NRXN1: variants seen among roughly 807,000 people sequenced by gnomAD.
NRXN1 encodes neurexin 1.
NRXN1 carries 39 observed loss-of-function variants against 150.9 expected under a neutral mutation model. That is an observed-to-expected ratio of 0.26 (90% confidence interval 0.20 to 0.34). The LOEUF (loss-of-function observed/expected upper bound fraction) is 0.34, where lower values mean the gene tolerates loss of function less well. Ranked by LOEUF, NRXN1 falls within the 10% of genes least tolerant of loss-of-function variation. The pLI is 1.00. For synonymous variants in NRXN1, 924 were observed against 757.0 expected (o/e 1.22, Z -3.62); for missense variants, 1,815 against 1,949.9 (o/e 0.93, Z 1.30).
rs570446542 is a variant in NRXN1, at chr2:50,507,195, C to T, written c.2375-578G>A. On this transcript the variant is annotated intron_variant, in intron 12 of 22. Transcript: ENST00000401669. ...TACCTGGTACCTCCAGTGCTCAACA[C>T]GTTCTTAGGTTCTTTAGCCTCCTAA... Among the ~76,000 whole-genome samples the T allele has an allele frequency of 4.6e-5, 7 of 152,222 alleles. No individual in the cohort carries two copies. In the South Asian group the frequency reaches 1.0e-3, roughly 23 times the overall value.
chr2:51,005,193 T>C (rs1700558473), intron 2 of NRXN1, among the ~76,000 whole-genome samples: 2 of 151,956 alleles, frequency 1.3e-5, no homozygotes, highest in Admixed American at 6.6e-5. Flanking sequence ...ATCTTCTTTA[T>C]TCCAAGTTGA....
chr2:50,828,032 G>A (rs1368049144), intron 5 of NRXN1, among the ~76,000 whole-genome samples: 1 of 149,742 alleles, frequency 6.7e-6, no homozygotes, highest in Non-Finnish European at 1.5e-5. Flanking sequence ...GCAACCATCC[G>A]ATTTCTCAAT....
chr2:50,778,205 G>C (rs534652320), intron 5 of NRXN1, among the ~76,000 whole-genome samples: 2 of 152,190 alleles, frequency 1.3e-5, no homozygotes, highest in South Asian at 4.2e-4. Context: ...TAAAAACAAT[G>C]AGTCATTACA....
intron 5 of NRXN1, among the ~76,000 whole-genome samples, chr2:50,819,544 G>C (rs1669415469): frequency 6.6e-6 from 1 of 152,014 alleles, no homozygotes; most frequent in African/African-American, 2.4e-5. Context: ...AAGATAGGGA[G>C]TTGCTGTTCA....
chr2:50,526,913 C>G (rs1380478135), intron 12 of NRXN1: 2 of 152,108 alleles, frequency 1.3e-5, no homozygotes, highest in African/African-American at 4.8e-5. Context: ...TAAGACTGTC[C>G]TCAATACCAG....
chr2:50,348,237 C>T (rs2078187569), intron 17 of NRXN1, among the ~76,000 whole-genome samples: 1 of 152,128 alleles, frequency 6.6e-6, no homozygotes, highest in South Asian at 2.1e-4. Flanking sequence ...TTCTTCTTCC[C>T]ATTACCATAT....
At chr2:49,963,697 T>G (rs1676411546) in intron 21 of NRXN1, among the ~76,000 whole-genome samples, 1 of 152,272 alleles carries the variant, frequency 6.6e-6, no homozygotes, top group African/African-American at 2.4e-5. Context: ...CCCCCATCCT[T>G]TAACATCTTT....
At chr2:50,477,154 G>T (rs1305714353) in intron 15 of NRXN1, among the ~76,000 whole-genome samples, 2 of 152,090 alleles carry the variant, frequency 1.3e-5, no homozygotes, top group Non-Finnish European at 2.9e-5. Flanking sequence ...GGCTTGACTG[G>T]AAGAGAGGAG....
intron 2 of NRXN1, among the ~76,000 whole-genome samples, chr2:50,926,854 A>G (rs577079376): frequency 1.3e-5 from 2 of 152,022 alleles, no homozygotes; most frequent in East Asian, 3.9e-4. Flanking sequence ...AAACATATAT[A>G]TCCAAGCAGA....
intron 12 of NRXN1, among the ~76,000 whole-genome samples, chr2:50,522,988 G>T (rs1457491241): frequency 2.0e-5 from 3 of 151,892 alleles, no homozygotes; most frequent in Non-Finnish European, 4.4e-5. Flanking sequence ...ACCCGCCTCA[G>T]CCTCCCAAAC....
At chr2:50,718,235 T>C (rs1043702662) in intron 5 of NRXN1, among the ~76,000 whole-genome samples, 3 of 152,092 alleles carry the variant, frequency 2.0e-5, no homozygotes, top group African/African-American at 7.2e-5. Context: ...TACAAACACA[T>C]ATAAACATGG....
intron 13 of NRXN1, among the ~76,000 whole-genome samples, chr2:50,499,315 C>G (rs2091819010): frequency 6.6e-6 from 1 of 152,160 alleles, no homozygotes; most frequent in African/African-American, 2.4e-5. Context: ...GTTCTCTTTT[C>G]AGCCATTGGT....
At chr2:49,942,723 C>A (rs2104369579) in intron 22 of NRXN1, among the ~76,000 whole-genome samples, 1 of 152,202 alleles carries the variant, frequency 6.6e-6, no homozygotes, top group South Asian at 2.1e-4. Flanking sequence ...GATTCTCCTG[C>A]CTCAGCCTCC....
At chr2:50,605,109 G>A (rs895591986) in intron 8 of NRXN1, among the ~76,000 whole-genome samples, 1 of 152,156 alleles carries the variant, frequency 6.6e-6, no homozygotes, top group Non-Finnish European at 1.5e-5. Context: ...ATTCAAAGGT[G>A]AGATGAAAAA....
chr2:49,955,661 A>T (rs1674797589), intron 21 of NRXN1, among the ~76,000 whole-genome samples: 2 of 151,794 alleles, frequency 1.3e-5, no homozygotes, highest in South Asian at 2.1e-4. Flanking sequence ...TCTCTTACAA[A>T]CTCTCTTGCA....
At chr2:50,642,049 T>C (rs1043002046) in intron 5 of NRXN1, among the ~76,000 whole-genome samples, 4 of 152,120 alleles carry the variant, frequency 2.6e-5, no homozygotes, top group Admixed American at 2.6e-4. Context: ...ATAAAATATA[T>C]TTTTAATTTT....
chr2:50,738,221 A>G (rs1261153405), intron 5 of NRXN1, among the ~76,000 whole-genome samples: 5 of 152,194 alleles, frequency 3.3e-5, no homozygotes, highest in Non-Finnish European at 7.3e-5. Flanking sequence ...TTATAATTCA[A>G]TATTAGTGAT....
At chr2:49,955,934 G>A (rs1440690009) in intron 21 of NRXN1, among the ~76,000 whole-genome samples, 1 of 152,040 alleles carries the variant, frequency 6.6e-6, no homozygotes, top group African/African-American at 2.4e-5. Flanking sequence ...GAGTTATACA[G>A]GCAAGGAATA....
At chr2:50,312,451 A>G (rs928768613) in intron 17 of NRXN1, among the ~76,000 whole-genome samples, 1 of 151,830 alleles carries the variant, frequency 6.6e-6, no homozygotes, top group African/African-American at 2.4e-5. Flanking sequence ...ATCTTGGGAA[A>G]CTTTGCAGTT....
Sources: gnomAD v4.1 joint callset for allele counts (sites outside exome capture counted in the v4.1 genomes callset) on GRCh38, gnomAD v4.1.1 for gene constraint, MANE v1.5 for transcripts, NCBI Gene and HGNC (gene_info 2026-07-23, HGNC 2026-07-21) for gene names.